Variants in IFIH1 observed in about 807,000 individuals in gnomAD.
IFIH1 encodes the protein interferon-induced helicase C domain-containing protein 1.
A neutral mutation model predicts 107.4 loss-of-function variants in IFIH1; 125 were observed. The observed-to-expected ratio is 1.16, with a 90% CI of 1.01 to 1.35. The LOEUF is 1.35. IFIH1 is among the 40% of genes most tolerant of loss of function. IFIH1 has a pLI of 0.00. For missense variants in IFIH1, 1,333 were observed against 1,213.7 expected, an observed-to-expected ratio of 1.10 and a Z score of -1.46; for synonymous variants, 458 against 413.2, an observed-to-expected ratio of 1.11 and a Z score of -1.31.
chr2:162,279,938 C>A (rs949117862), intron 8 of IFIH1, 58 bp downstream of exon 8: 4 of 926,124 alleles, frequency 4.3e-6, no homozygotes, highest in Non-Finnish European at 7.1e-6. Flanking sequence ...TAGCCTTTGC[C>A]ATCTTTCTAC....
chr2:162,284,708 T>G (rs1435254351), intron 5 of IFIH1, among the ~76,000 whole-genome samples: 3 of 151,880 alleles, frequency 2.0e-5, no homozygotes. Flanking sequence ...TTTAATGAGA[T>G]AATATATCTG....
intron 8 of IFIH1, 135 bp downstream of exon 8, chr2:162,279,861 T>A: frequency 6.2e-6 from 4 of 647,052 alleles, no homozygotes; most frequent in Admixed American, 2.9e-5. Flanking sequence ...TAACATCAAT[T>A]AAAAAAAAAC....
chr2:162,304,593 G>T (rs186820652), intron 3 of IFIH1, among the ~76,000 whole-genome samples: 1 of 152,268 alleles, frequency 6.6e-6, no homozygotes, highest in East Asian at 1.9e-4. Context: ...TATATACTTA[G>T]ATAGTTCATA....
In IFIH1 at chr2:162,267,112, T is replaced by G. The variant is rs1459574326; in HGVS notation, c.*88A>C. The G allele has an allele frequency of 1.0e-6, 1 of 966,452 alleles. No individual in the cohort carries two copies. Among genetic ancestry groups the G allele is most frequent in the African/African-American group, 1.7e-5 (1 of 59,852 alleles). The allele number at this position is 966,452 out of a possible 1,614,324, so 59.9% of individuals were successfully genotyped here. On this transcript the variant is annotated 3_prime_UTR_variant, in exon 16 of 16. Transcript: ENST00000649979. ...AAAACAATCATTTTATTGATTCTTA[T>G]GTCAGTTCTGTAGCATAATGAATAC...
chr2:162,297,489 TAG>T (rs371011149), intron 3 of IFIH1, among the ~76,000 whole-genome samples: 3 of 152,150 alleles, frequency 2.0e-5, no homozygotes, highest in Non-Finnish European at 4.4e-5. Flanking sequence ...AAAAAATATA[TAG>T]AGAGAGATAG....
In IFIH1 at chr2:162,267,379, C is replaced by G. The variant is rs749488690; in HGVS notation, c.2899G>C (p.Ala967Pro). 1.4e-5 allele frequency: 23 copies of G among 1,613,700 alleles called. No individual in the cohort carries two copies. Among genetic ancestry groups the G allele is most frequent in the Non-Finnish European group, 1.9e-5 (23 of 1,179,958 alleles). Residue 967 changes from alanine (A) to proline (P), a missense_variant and splice_region_variant, in exon 16 of 16, where the codon GCT (alanine) becomes CCT (proline). Physicochemically the swap from Ala to Pro is conservative, Grantham distance 27. Transcript: ENST00000649979. ...NGEIICKCGQ[A>P]WGTMMVHKGL... ...TTGTGCACCATCATTGTTCCCCAAG[C>G]CTGGAAAACAAAAGAGAGAGCAAGA...
At chr2:162,278,687 C>CA (rs1558866567) in intron 8 of IFIH1, among the ~76,000 whole-genome samples, 1 of 152,126 alleles carries the variant, frequency 6.6e-6, no homozygotes, top group Non-Finnish European at 1.5e-5. Context: ...ATTTAAGAAA[C>CA]ATTCCTCCTT....
chr2:162,311,404 A>G (rs1683382962), intron 1 of IFIH1, among the ~76,000 whole-genome samples: 1 of 151,998 alleles, frequency 6.6e-6, no homozygotes, highest in Admixed American at 6.6e-5. Context: ...TTTCTTCATG[A>G]TTATCATTAT....
In IFIH1 at chr2:162,282,571, C is replaced by T. The variant is rs180798633; in HGVS notation, c.1101G>A (p.Leu367=). ...GKVIVLVNKV[L]LVEQLFRKEF... is the part of the protein sequence containing the mutation. ...CCTTGCGGAAGAGCTGTTCAACTAG[C>T]AGTACCTTAAAAAAATGTGAAGATT... The change falls in exon 6 of 16, where the codon CTG becomes CTA. Residue 367 remains leucine, a synonymous_variant. Coordinates refer to ENST00000649979, the MANE Select transcript of IFIH1 (RefSeq NM_022168.4). The T allele has an allele frequency of 3.8e-6, 6 of 1,599,220 alleles. No individual in the cohort carries two copies. Among genetic ancestry groups the T allele is most frequent in the Non-Finnish European group, 5.1e-6 (6 of 1,172,310 alleles).
At chr2:162,276,042 A>G (rs1434666309) in intron 11 of IFIH1, among the ~76,000 whole-genome samples, 1 of 152,202 alleles carries the variant, frequency 6.6e-6, no homozygotes, top group Non-Finnish European at 1.5e-5. Flanking sequence ...ACTTGATACT[A>G]CATGGCAATC....
At chr2:162,283,160 C>T (rs1447584323) in intron 5 of IFIH1, among the ~76,000 whole-genome samples, 1 of 151,850 alleles carries the variant, frequency 6.6e-6, no homozygotes, top group African/African-American at 2.4e-5. Flanking sequence ...TGATTTATTC[C>T]TGTTGTTTGT....
At chr2:162,304,690 G>C (rs1683250259) in intron 3 of IFIH1, among the ~76,000 whole-genome samples, 1 of 152,188 alleles carries the variant, frequency 6.6e-6, no homozygotes, top group Admixed American at 6.5e-5. Context: ...GAATGAATTT[G>C]TGAAATTCTT....
chr2:162,269,318 G>C (rs1233222017), intron 13 of IFIH1, among the ~76,000 whole-genome samples: 1 of 152,120 alleles, frequency 6.6e-6, no homozygotes, highest in East Asian at 1.9e-4. Context: ...ATGAGGATGT[G>C]GCAGCTGAAA....
At chr2:162,267,675 T>C in intron 14 of IFIH1, 106 bp from the exon 15 acceptor site, 1 of 806,780 alleles carries the variant, frequency 1.2e-6, no homozygotes, top group East Asian at 2.5e-5. Flanking sequence ...TGCGGTATTC[T>C]ACACGGCATT....
intron 11 of IFIH1, among the ~76,000 whole-genome samples, chr2:162,275,123 A>G (rs1691127295): frequency 6.6e-6 from 1 of 152,236 alleles, no homozygotes; most frequent in Admixed American, 6.5e-5. Context: ...GTCACATCAC[A>G]TAGATGCCTA....
At chr2:162,282,314 TATC>T in intron 6 of IFIH1, 49 bp downstream of exon 6, 1 of 1,150,376 alleles carries the variant, frequency 8.7e-7, no homozygotes. Flanking sequence ...CAGCCTTTGT[TATC>T]ATCAATATTA....
chr2:162,308,978 C>A (rs1388394264), intron 2 of IFIH1, among the ~76,000 whole-genome samples: 1 of 152,188 alleles, frequency 6.6e-6, no homozygotes, highest in African/African-American at 2.4e-5. Flanking sequence ...TCATCACCAG[C>A]TGTGAACTTG....
At chr2:162,288,950 C>G (rs1479160417) in intron 4 of IFIH1, among the ~76,000 whole-genome samples, 1 of 145,118 alleles carries the variant, frequency 6.9e-6, no homozygotes, top group Non-Finnish European at 1.5e-5. Context: ...CACACACACA[C>G]ACACACAGAC....
In IFIH1 at chr2:162,268,143, C is replaced by A. The variant is rs145750310; in HGVS notation, c.2751G>T (p.Gly917=). Residue 917 remains glycine, a synonymous_variant, in exon 14 of 16, where the codon GGG becomes GGT. Transcript: ENST00000649979. ...TTTTCTCAATTACATGGATATCTTCCCCAGAACAGGCTAGCACACTGCAGT... is the reference window on the plus strand; with the variant it reads ...TTTTCTCAATTACATGGATATCTTCACCAGAACAGGCTAGCACACTGCAGT... ...CKNCSVLACS[G]EDIHVIEKMH... 2 of 1,612,218 alleles carry A rather than the reference C, an allele frequency of 1.2e-6. No homozygotes were observed. Among genetic ancestry groups the A allele is most frequent in the African/African-American group, 1.3e-5 (1 of 74,956 alleles).
Sources: gnomAD v4.1 joint callset for allele counts (sites outside exome capture counted in the v4.1 genomes callset) on GRCh38, gnomAD v4.1.1 for gene constraint, MANE v1.5 for transcripts, NCBI Gene and HGNC (gene_info 2026-07-23, HGNC 2026-07-21) for gene names.